Variants in RCOR1 observed in about 807,000 individuals in gnomAD.
The protein encoded by RCOR1 is REST corepressor 1, also known as REST corepressor.
In RCOR1, 12 loss-of-function variants were observed where a neutral mutation model predicts 64.0. The ratio of observed to expected loss-of-function variants is 0.19; its 90% confidence interval spans 0.12 to 0.30. RCOR1 has a LOEUF of 0.30. Ranked by LOEUF, RCOR1 falls within the 10% of genes least tolerant of loss-of-function variation. The pLI, the probability that RCOR1 is intolerant of heterozygous loss-of-function variation, is 1.00. For synonymous variants in RCOR1, 279 were observed against 227.2 expected (o/e 1.23, Z -2.05); for missense variants, 502 against 621.2 (o/e 0.81, Z 2.04).
chr14:102,716,138 G>C (rs180913725), intron 8 of RCOR1, among the ~76,000 whole-genome samples: 82 of 152,318 alleles, frequency 5.4e-4, no homozygotes, highest in Non-Finnish European at 9.6e-4. Context: ...GCAGTTCCCT[G>C]ATGACTAATG....
chr14:102,598,103 T>C (rs557184662), intron 2 of RCOR1, among the ~76,000 whole-genome samples: 2 of 152,200 alleles, frequency 1.3e-5, no homozygotes, highest in African/African-American at 2.4e-5. Flanking sequence ...ATTATAGGCG[T>C]GAGCCACTGC....
At chr14:102,650,930 ATTATC>A in intron 2 of RCOR1, 1 of 744,504 alleles carries the variant, frequency 1.3e-6, no homozygotes, top group Non-Finnish European at 1.6e-6. Context: ...GAATAACTTA[ATTATC>A]TTATTACTAA....
At chr14:102,683,333 T>C (rs1218062278) in intron 3 of RCOR1, among the ~76,000 whole-genome samples, 6 of 152,102 alleles carry the variant, frequency 3.9e-5, no homozygotes, top group Admixed American at 6.5e-5. Context: ...TTGACAGATA[T>C]CAATACACGA....
chr14:102,600,187 C>T (rs1040512452), intron 2 of RCOR1, among the ~76,000 whole-genome samples: 3 of 151,688 alleles, frequency 2.0e-5, no homozygotes, highest in African/African-American at 7.3e-5. Context: ...CCCGGGTTCA[C>T]GCCCTTCTCC....
At chr14:102,699,551 G>T (rs913861999) in intron 3 of RCOR1, among the ~76,000 whole-genome samples, 1 of 152,072 alleles carries the variant, frequency 6.6e-6, no homozygotes, top group African/African-American at 2.4e-5. Flanking sequence ...TGGTATAATC[G>T]CATGGCAAAC....
At chr14:102,726,309 G>GAGT (rs1421278014) in intron 11 of RCOR1, among the ~76,000 whole-genome samples, 159 bp from the exon 12 acceptor site, 1 of 150,826 alleles carries the variant, frequency 6.6e-6, no homozygotes, top group Non-Finnish European at 1.5e-5. Context: ...CTGGGAGACA[G>GAGT]AGTGAGACCT....
intron 2 of RCOR1, among the ~76,000 whole-genome samples, chr14:102,617,467 G>C (rs1893784750): frequency 1.3e-5 from 2 of 152,088 alleles, no homozygotes; most frequent in African/African-American, 4.8e-5. Flanking sequence ...TAATTGGCTG[G>C]GCATGATGGC....
intron 2 of RCOR1, chr14:102,650,979 A>G (rs771563421): frequency 1.2e-6 from 1 of 847,344 alleles, no homozygotes; most frequent in Non-Finnish European, 1.4e-6. Context: ...ACTTAGACTC[A>G]TAATAGAATA....
chr14:102,699,344 T>C (rs1336904727), intron 3 of RCOR1, among the ~76,000 whole-genome samples: 1 of 152,220 alleles, frequency 6.6e-6, no homozygotes. Flanking sequence ...AATTAGTGGC[T>C]TAGTATTAGA....
chr14:102,592,976 C>T lies in RCOR1; in HGVS notation c.90C>T (p.Ala30=), dbSNP rs758360389. 7.8e-6 allele frequency: 9 copies of T among 1,160,482 alleles called. No homozygotes were observed. The highest frequency in any genetic ancestry group is 3.1e-5 in the South Asian group (1 of 31,894). The allele number at this position is 1,160,482 out of a possible 1,614,324, so 71.9% of individuals were successfully genotyped here. ...NAAASASAAA[A]SAAASAACAS... The stretch of plus-strand genomic sequence containing the variant: ...CCGCCTCCGCCTCCGCCGCCGCCGC[C>T]TCCGCCGCCGCCTCGGCCGCCTGCG... Residue 30 remains alanine, a synonymous_variant, in exon 1 of 12, where the codon GCC becomes GCT. Coordinates refer to ENST00000262241, the MANE Select transcript of RCOR1 (RefSeq NM_015156.4).
intron 2 of RCOR1, among the ~76,000 whole-genome samples, chr14:102,606,350 C>T (rs1246263316): frequency 6.6e-6 from 1 of 152,166 alleles, no homozygotes; most frequent in African/African-American, 2.4e-5. Flanking sequence ...GTGTGAGCCA[C>T]TGCACCTGAC....
At chr14:102,658,239 T>TGTTGGG (rs1431590160) in intron 2 of RCOR1, among the ~76,000 whole-genome samples, 2 of 152,176 alleles carry the variant, frequency 1.3e-5, no homozygotes, top group East Asian at 3.9e-4. Context: ...CTTCCCAAAG[T>TGTTGGG]GTTGGGGTTA....
chr14:102,637,922 G>C (rs1894279987), intron 2 of RCOR1, among the ~76,000 whole-genome samples: 1 of 152,096 alleles, frequency 6.6e-6, no homozygotes, highest in South Asian at 2.1e-4. Flanking sequence ...CACTGTACTG[G>C]AAGTAAATAA....
chr14:102,632,311 G>C (rs1894130413), intron 2 of RCOR1, among the ~76,000 whole-genome samples: 1 of 151,320 alleles, frequency 6.6e-6, no homozygotes, highest in Admixed American at 6.6e-5. Context: ...GCGCATCCTG[G>C]GTTCACGCCA....
At chr14:102,705,064 T>C (rs1000552850) in intron 4 of RCOR1, among the ~76,000 whole-genome samples, 5 of 152,058 alleles carry the variant, frequency 3.3e-5, no homozygotes, top group Non-Finnish European at 7.4e-5. Context: ...AGGCAGAGGT[T>C]GCAGTGAGCC....
chr14:102,703,711 C>T (rs1006258617), intron 4 of RCOR1, among the ~76,000 whole-genome samples: 1 of 152,174 alleles, frequency 6.6e-6, no homozygotes, highest in Admixed American at 6.5e-5. Flanking sequence ...AACTGGTAAT[C>T]CCATGGTCTA....
chr14:102,662,372 A>G (rs564839368), intron 2 of RCOR1: 128 of 565,428 alleles, frequency 2.3e-4, no homozygotes, highest in Non-Finnish European at 4.0e-4. Context: ...GAGCTTCTTC[A>G]CAGCCTGTTT....
chr14:102,715,835 G>A (rs1053256988), intron 8 of RCOR1, among the ~76,000 whole-genome samples: 26 of 152,280 alleles, frequency 1.7e-4, no homozygotes, highest in African/African-American at 5.8e-4. Context: ...TTTTATGTGC[G>A]TTTTGTTTGC....
intron 2 of RCOR1, among the ~76,000 whole-genome samples, chr14:102,604,805 G>A (rs1893471075): frequency 6.6e-6 from 1 of 152,036 alleles, no homozygotes; most frequent in Non-Finnish European, 1.5e-5. Context: ...CACTTAGGCT[G>A]GGTGCAGTTG....
Sources: gnomAD v4.1 joint callset for allele counts (sites outside exome capture counted in the v4.1 genomes callset) on GRCh38, gnomAD v4.1.1 for gene constraint, MANE v1.5 for transcripts, NCBI Gene and HGNC (gene_info 2026-07-23, HGNC 2026-07-21) for gene names.